The following SLC2A10 variants were observed in gnomAD, a reference collection of about 807,000 sequenced individuals.
The protein encoded by SLC2A10 is solute carrier family 2, facilitated glucose transporter member 10.
A neutral mutation model predicts 32.1 loss-of-function variants in SLC2A10; 25 were observed. The observed-to-expected ratio is 0.78, with a 90% CI of 0.57 to 1.09. The LOEUF is 1.09. Ranked by LOEUF, SLC2A10 falls within the 50% of genes least tolerant of loss-of-function variation. The pLI is 0.00. For missense variants in SLC2A10, 673 were observed against 686.5 expected, an observed-to-expected ratio of 0.98 and a Z score of 0.22; for synonymous variants, 332 against 309.6, an observed-to-expected ratio of 1.07 and a Z score of -0.76.
intron 4 of SLC2A10, among the ~76,000 whole-genome samples, chr20:46,730,155 C>T (rs1196045931): frequency 6.6e-6 from 1 of 152,124 alleles, no homozygotes; most frequent in Non-Finnish European, 1.5e-5. Context: ...GGCCTTTAAA[C>T]ATTGCACGCA....
intron 4 of SLC2A10, among the ~76,000 whole-genome samples, chr20:46,730,520 G>A (rs780348137): frequency 6.6e-6 from 1 of 152,158 alleles, no homozygotes; most frequent in Non-Finnish European, 1.5e-5. Context: ...AGGCACCCAC[G>A]TAATGATGAG....
intron 1 of SLC2A10, among the ~76,000 whole-genome samples, chr20:46,714,276 ACGT>A (rs1979096833): frequency 1.3e-5 from 2 of 152,198 alleles, no homozygotes; most frequent in Admixed American, 6.5e-5. Context: ...AGGTTCACCC[ACGT>A]GGTATTCACC....
intron 3 of SLC2A10, among the ~76,000 whole-genome samples, chr20:46,727,343 T>C (rs1490083190): frequency 6.6e-6 from 1 of 152,154 alleles, no homozygotes; most frequent in Non-Finnish European, 1.5e-5. Flanking sequence ...TTTTTTGAGA[T>C]GGAATCTTGC....
intron 1 of SLC2A10, among the ~76,000 whole-genome samples, chr20:46,722,579 G>T (rs186983153): frequency 3.1e-4 from 47 of 152,260 alleles, no homozygotes; most frequent in Non-Finnish European, 5.6e-4. Flanking sequence ...TTGGTATGTG[G>T]GGCCCAAATA....
At position 46,719,552 on chromosome 20, in the gene SLC2A10, C is replaced by A. The variant is rs146336856; in HGVS notation, c.5-5489C>A. The stretch of plus-strand genomic sequence containing the variant: ...GATTCCCCTTATAAAACCATCAGAT[C>A]TTGTGAGACTTATTCACTACCACGA... On this transcript the variant is annotated intron_variant, in intron 1 of 4. Coordinates refer to ENST00000359271, the MANE Select transcript of SLC2A10 (RefSeq NM_030777.4). Among the ~76,000 whole-genome samples, 492 of 152,292 alleles carry A rather than the reference C, an allele frequency of 3.2e-3. 2 individuals carry two copies. Among genetic ancestry groups the A allele is most frequent in the African/African-American group, 0.01 (429 of 41,574 alleles).
At chr20:46,720,340 AC>A (rs944140351) in intron 1 of SLC2A10, among the ~76,000 whole-genome samples, 1 of 152,236 alleles carries the variant, frequency 6.6e-6, no homozygotes, top group African/African-American at 2.4e-5. Context: ...ACAAAGCAAG[AC>A]AAAAAGCCTC....
intron 1 of SLC2A10, among the ~76,000 whole-genome samples, chr20:46,713,331 G>A (rs1216541246): frequency 5.3e-5 from 8 of 152,084 alleles, no homozygotes; most frequent in Non-Finnish European, 1.2e-4. Flanking sequence ...AGATGCTACA[G>A]GGAGGTTGAA....
chr20:46,726,151 A>G lies in SLC2A10; in HGVS notation c.1115A>G (p.Lys372Arg). ...AGGGAGCCAATCTTGTCCACTGCTAAGAAAACCAAGCCCCATCCCAGATCT... is the reference window on the plus strand; with the variant it reads ...AGGGAGCCAATCTTGTCCACTGCTAGGAAAACCAAGCCCCATCCCAGATCT... Reference protein sequence around the residue: ...DQREPILSTAKKTKPHPRSGD... With the variant: ...DQREPILSTARKTKPHPRSGD... The change falls in exon 2 of 5, where the codon AAG becomes AGG. Residue 372 changes from lysine (K) to arginine (R), a missense_variant. Physicochemically the swap from Lys to Arg is conservative, Grantham distance 26 (BLOSUM62 2). Coordinates refer to ENST00000359271, the MANE Select transcript of SLC2A10 (RefSeq NM_030777.4). 1 of 1,614,240 alleles carries G rather than the reference A, an allele frequency of 6.2e-7. No homozygotes were observed. The highest frequency in any genetic ancestry group is 1.1e-5 in the South Asian group (1 of 91,090).
Position 46,735,084 on chromosome 20 carries a change from G to C in SLC2A10, c.*1250G>C, listed in dbSNP as rs1484860704. On this transcript the variant is annotated 3_prime_UTR_variant, in exon 5 of 5. Coordinates refer to ENST00000359271, the MANE Select transcript of SLC2A10 (RefSeq NM_030777.4). Reference sequence around the variant, plus strand: ...GGTCCCTCCTTTGGACCCTGTAAAGGGTCAGGGTGAATCAGATGGGGGACT... The same window carrying C: ...GGTCCCTCCTTTGGACCCTGTAAAGCGTCAGGGTGAATCAGATGGGGGACT... The C allele has an allele frequency of 6.6e-6, 1 of 152,560 alleles. No homozygotes were observed. The highest frequency in any genetic ancestry group is 1.5e-5 in the Non-Finnish European group (1 of 68,030). The allele number at this position is 152,560 out of a possible 1,614,324, so 9.5% of individuals were successfully genotyped here.
At chr20:46,716,051 C>T (rs1381929755) in intron 1 of SLC2A10, among the ~76,000 whole-genome samples, 1 of 152,028 alleles carries the variant, frequency 6.6e-6, no homozygotes, top group East Asian at 1.9e-4. Context: ...CCAGGTTGCA[C>T]TTACTACTTT....
intron 1 of SLC2A10, 82 bp from the exon 2 acceptor site, chr20:46,724,959 G>A: frequency 6.3e-7 from 1 of 1,587,082 alleles, no homozygotes. Context: ...TGAAGGTGTT[G>A]ACAGATGGAG....
At chr20:46,719,561 C>G (rs1297562582) in intron 1 of SLC2A10, among the ~76,000 whole-genome samples, 11 of 152,188 alleles carry the variant, frequency 7.2e-5, no homozygotes, top group Admixed American at 7.2e-4. Context: ...TCTTGTGAGA[C>G]TTATTCACTA....
chr20:46,724,930 G>C (rs757011646), intron 1 of SLC2A10, 111 bp from the exon 2 acceptor site: 34 of 1,385,888 alleles, frequency 2.5e-5, no homozygotes, highest in Non-Finnish European at 3.4e-5. Flanking sequence ...TGAATAGATG[G>C]AGTAGATGGA....
chr20:46,708,751 C>T (rs1472971354), upstream of SLC2A10, among the ~76,000 whole-genome samples: 6 of 152,192 alleles, frequency 3.9e-5, no homozygotes. Flanking sequence ...CTGACCCTGG[C>T]CCACCAAAGC....
intron 3 of SLC2A10, 53 bp from the exon 4 acceptor site, chr20:46,729,300 G>T (rs1980143747): frequency 2.4e-5 from 39 of 1,610,960 alleles, no homozygotes; most frequent in Non-Finnish European, 3.2e-5. Flanking sequence ...GGCCCAGGCT[G>T]CGGGGCCAGA....
At chr20:46,710,821 G>A (rs147434866) in intron 1 of SLC2A10, among the ~76,000 whole-genome samples, 6 of 152,294 alleles carry the variant, frequency 3.9e-5, no homozygotes, top group East Asian at 1.9e-4. Flanking sequence ...CAAATGCCAC[G>A]GCAAGCTGGA....
intron 1 of SLC2A10, among the ~76,000 whole-genome samples, chr20:46,724,285 C>G (rs1979716609): frequency 6.6e-6 from 1 of 152,194 alleles, no homozygotes. Flanking sequence ...AAGAGCACTT[C>G]CTGGCATGTT....
intron 1 of SLC2A10, among the ~76,000 whole-genome samples, chr20:46,711,676 C>G (rs566094281): frequency 6.6e-6 from 1 of 152,178 alleles, no homozygotes; most frequent in Admixed American, 6.5e-5. Context: ...GGCTGCGGGT[C>G]TCTGTCCTCC....
At chr20:46,720,773 G>T (rs2123027488) in intron 1 of SLC2A10, among the ~76,000 whole-genome samples, 1 of 152,268 alleles carries the variant, frequency 6.6e-6, no homozygotes. Context: ...CACAGATGTT[G>T]TAACATCTTT....
Sources: gnomAD v4.1 joint callset for allele counts (sites outside exome capture counted in the v4.1 genomes callset) on GRCh38, gnomAD v4.1.1 for gene constraint, MANE v1.5 for transcripts, NCBI Gene and HGNC (gene_info 2026-07-23, HGNC 2026-07-21) for gene names.